Variants in EIF2D observed in about 807,000 individuals in gnomAD.
EIF2D encodes eukaryotic translation initiation factor 2D.
A neutral mutation model predicts 77.4 loss-of-function variants in EIF2D; 56 were observed. The observed-to-expected ratio is 0.72, with a 90% CI of 0.58 to 0.90. EIF2D has a LOEUF of 0.90. Among genes scored for constraint, EIF2D ranks in the 40% least tolerant of loss-of-function variants. The pLI is 0.00. For synonymous variants in EIF2D, 230 were observed against 271.0 expected (o/e 0.85, Z 1.49); for missense variants, 574 against 706.5 (o/e 0.81, Z 2.13).
At chr1:206,602,790 C>T (rs1669987171) in intron 6 of EIF2D, 161 bp downstream of exon 6, 1 of 1,075,432 alleles carries the variant, frequency 9.3e-7, no homozygotes, top group African/African-American at 1.6e-5. Flanking sequence ...GATTCAAAAA[C>T]AAGATGTGAA....
chr1:206,599,959 A>T lies in EIF2D; in HGVS notation c.949-123T>A. On this transcript the variant is annotated intron_variant, in intron 8 of 14. Coordinates refer to ENST00000271764, the MANE Select transcript of EIF2D (RefSeq NM_006893.3). This position sits in a 1 kb window ranked among gnomAD's most constrained non-coding sequence, Gnocchi z 4.1. ...GGGATATGAGACAGCCCCTGCCTTC[A>T]TCAACCAGGAACTGGGAGGCCCCCA... 1 of 958,604 alleles carries T rather than the reference A, an allele frequency of 1.0e-6. No individual in the cohort carries two copies. The highest frequency in any genetic ancestry group is 1.5e-6 in the Non-Finnish European group (1 of 646,016). 59.4% of individuals were successfully genotyped at this position (958,604 alleles called of 1,614,324 possible). A position where few individuals can be genotyped will look rare whatever the true frequency, so the allele number is the denominator to read the frequency against.
downstream of EIF2D, chr1:206,588,965 G>T (rs942071474): frequency 1.3e-5 from 2 of 152,708 alleles, no homozygotes; most frequent in Non-Finnish European, 2.9e-5. Flanking sequence ...AAAAAGTCAT[G>T]TATATATACA....
At chr1:206,582,893 G>A (rs1295862269) in intron 2 of EIF2D, among the ~76,000 whole-genome samples, 1 of 152,186 alleles carries the variant, frequency 6.6e-6, no homozygotes, top group Non-Finnish European at 1.5e-5. Flanking sequence ...CATCAAAGAA[G>A]CATCTTTTCC....
chr1:206,599,431 A>G lies in EIF2D; in HGVS notation c.1202+32T>C. Reference sequence around the variant, plus strand: ...GGAACTGTAGGCCAGAACACCAAGCAGGCAGAGAAGGGCTGCTCTCCAAAA... The same window carrying G: ...GGAACTGTAGGCCAGAACACCAAGCGGGCAGAGAAGGGCTGCTCTCCAAAA... On this transcript the variant is annotated intron_variant, in intron 10 of 14. Transcript: ENST00000271764. The surrounding 1 kb of genome is among the most constrained non-coding windows in gnomAD (Gnocchi z 4.1). 1 of 1,610,370 alleles carries G rather than the reference A, an allele frequency of 6.2e-7. No individual in the cohort carries two copies. The highest frequency in any genetic ancestry group is 8.5e-7 in the Non-Finnish European group (1 of 1,178,714).
intron 2 of EIF2D, chr1:206,583,147 T>C: frequency 1.5e-6 from 1 of 679,668 alleles, no homozygotes; most frequent in Non-Finnish European, 2.7e-6. Context: ...GTGCAGTTAG[T>C]TCCACTCTGC....
intron 4 of EIF2D, among the ~76,000 whole-genome samples, chr1:206,578,804 GA>G (rs1668757731): frequency 2.5e-4 from 38 of 152,208 alleles, no homozygotes; most frequent in Admixed American, 2.1e-3. Context: ...GACTCACTCA[GA>G]GCCTCTCCTT....
chr1:206,593,110 C>CA (rs71816820), intron 14 of EIF2D, among the ~76,000 whole-genome samples: 68,738 of 144,698 alleles, frequency 0.48, 15,874 homozygotes, highest in South Asian at 0.62. Flanking sequence ...GATTCTGTTT[C>CA]AAAAAAAAAA....
At chr1:206,609,515 A>C in intron 2 of EIF2D, 56 bp from the exon 3 acceptor site, 1 of 1,446,450 alleles carries the variant, frequency 6.9e-7, no homozygotes, top group Non-Finnish European at 9.6e-7. Flanking sequence ...CTTCTAGAGA[A>C]ATGGAAAAAC....
chr1:206,610,524 A>AT (rs1670417597), intron 2 of EIF2D, among the ~76,000 whole-genome samples: 2 of 151,090 alleles, frequency 1.3e-5, no homozygotes, highest in African/African-American at 4.9e-5. Context: ...GTCTCTAAAA[A>AT]ATATATATAT....
intron 2 of EIF2D, among the ~76,000 whole-genome samples, chr1:206,610,778 G>A (rs112897221): frequency 0.033 from 4,977 of 151,566 alleles, 107 homozygotes; most frequent in Middle Eastern, 0.068. Context: ...CTGAGATTGC[G>A]CCACTGCACT....
At chr1:206,594,385 C>T (rs1669532844) in intron 13 of EIF2D, 1 of 152,188 alleles carries the variant, frequency 6.6e-6, no homozygotes, top group South Asian at 2.1e-4. Flanking sequence ...TGGTATTCAG[C>T]TTCACAAATG....
At chr1:206,572,581 G>A (rs1668486392) in intron 5 of EIF2D, 1 of 152,222 alleles carries the variant, frequency 6.6e-6, no homozygotes, top group Admixed American at 6.5e-5. Flanking sequence ...CACTGGGACA[G>A]TCAGTCGCCC....
At chr1:206,580,132 C>T (rs1553405962) in intron 4 of EIF2D, among the ~76,000 whole-genome samples, 2 of 152,180 alleles carry the variant, frequency 1.3e-5, no homozygotes, top group African/African-American at 2.4e-5. Flanking sequence ...GTCACTTCCC[C>T]GCGTTTGTGG....
Position 206,584,963 on chromosome 1 carries a change from A to G in EIF2D, c.139-3801T>C. 1 of 606,484 alleles carries G rather than the reference A, an allele frequency of 1.6e-6. No individual in the cohort carries two copies. The highest frequency in any genetic ancestry group is 2.9e-6 in the Non-Finnish European group (1 of 342,264). The allele number at this position is 606,484 out of a possible 1,614,324, so 37.6% of individuals were successfully genotyped here. A position where few individuals can be genotyped will look rare whatever the true frequency, so the allele number is the denominator to read the frequency against. On this transcript the variant is annotated intron_variant and NMD_transcript_variant, in intron 2 of 5. Coordinates refer to the EIF2D transcript ENST00000472709. This position sits in a 1 kb window ranked among gnomAD's most constrained non-coding sequence, Gnocchi z 4.9. ...GCCCCACCATTCCTAATCTTTCAGG[A>G]GATGATGTGAATGGAATCATGCTTT...
intron 5 of EIF2D, among the ~76,000 whole-genome samples, chr1:206,571,889 T>G (rs1668463644): frequency 6.6e-6 from 1 of 152,118 alleles, no homozygotes; most frequent in South Asian, 2.1e-4. Flanking sequence ...GCATAAGATG[T>G]CCCAAGGGAA....
At chr1:206,578,233 AGTGTGTGT>A (rs58059864) in intron 4 of EIF2D, among the ~76,000 whole-genome samples, 57 of 117,582 alleles carry the variant, frequency 4.8e-4, no homozygotes, top group Non-Finnish European at 8.0e-4. Flanking sequence ...AAAAAAAAAA[AGTGTGTGT>A]GTGTGTGTGT....
intron 7 of EIF2D, chr1:206,602,126 ATT>A (rs1669955244): frequency 3.8e-6 from 2 of 519,756 alleles, no homozygotes; most frequent in Non-Finnish European, 3.4e-6. Flanking sequence ...ATTGGCTAAA[ATT>A]TAAGATTTTG....
At chr1:206,602,769 T>G (rs1669986363) in intron 6 of EIF2D, 182 bp downstream of exon 6, 3 of 896,762 alleles carry the variant, frequency 3.3e-6, no homozygotes, top group Non-Finnish European at 5.0e-6. Flanking sequence ...AGACGTGACT[T>G]ATGTGGAAAG....
At chr1:206,595,377 G>A (rs1669596105) in intron 13 of EIF2D, 1 of 161,766 alleles carries the variant, frequency 6.2e-6, no homozygotes, top group African/African-American at 2.4e-5. Flanking sequence ...TTTTTTACAA[G>A]TTATTTTCAT....
Sources: allele counts gnomAD v4.1 joint callset (sites outside exome capture counted in the v4.1 genomes callset), GRCh38; gene constraint gnomAD v4.1.1; non-coding constraint Gnocchi (gnomAD v3.1); transcripts MANE v1.5; gene names NCBI Gene and HGNC (gene_info 2026-07-23, HGNC 2026-07-21).